IKBKB-DT: variants seen among roughly 807,000 people sequenced by gnomAD.
The protein encoded by IKBKB-DT is IKBKB divergent transcript.
intron 3 of IKBKB-DT, among the ~76,000 whole-genome samples, chr8:42,234,176 C>T (rs2129895510): frequency 6.6e-6 from 1 of 152,276 alleles, no homozygotes; most frequent in South Asian, 2.1e-4. Flanking sequence ...ACAAGGACAG[C>T]TTGGAGGTTA....
intron 3 of IKBKB-DT, among the ~76,000 whole-genome samples, chr8:42,243,983 G>A (rs1013869949): frequency 6.6e-6 from 1 of 152,090 alleles, no homozygotes; most frequent in Non-Finnish European, 1.5e-5. Context: ...GCCCCATTAG[G>A]GAATTCTAAT....
chr8:42,243,345 A>G (rs1306439774), intron 3 of IKBKB-DT, among the ~76,000 whole-genome samples: 1 of 152,222 alleles, frequency 6.6e-6, no homozygotes. Context: ...AGAGGAGGTA[A>G]TAGACTATTA....
At chr8:42,255,940 C>G (rs989982895) in intron 3 of IKBKB-DT, among the ~76,000 whole-genome samples, 1 of 150,550 alleles carries the variant, frequency 6.6e-6, no homozygotes, top group South Asian at 2.1e-4. Context: ...GCAGGAGAAT[C>G]GCTTGAACCC....
intron 3 of IKBKB-DT, among the ~76,000 whole-genome samples, chr8:42,252,156 G>T (rs1353801910): frequency 1.3e-5 from 2 of 152,350 alleles, no homozygotes; most frequent in African/African-American, 4.8e-5. Flanking sequence ...CACTGGCCAG[G>T]TAGAGACCCC....
At position 42,235,801 on chromosome 8, in the gene IKBKB-DT, T is replaced by C. The variant is rs576332434; in HGVS notation, n.1530-1942A>G. Among the ~76,000 whole-genome samples, 68 of 152,114 alleles carry C rather than the reference T, an allele frequency of 4.5e-4. 1 individual carries two copies. The South Asian group carries it at 0.014, about 31-fold the overall frequency. ...ACTGCAATGCCATGGTCTGAGTGAG[T>C]TGATTTTGTTTGTGCAGTGGGCAGT... On this transcript the variant is annotated intron_variant and non_coding_transcript_variant, in intron 3 of 3. Transcript: ENST00000518213.
chr8:42,247,868 G>A (rs1425385327), intron 3 of IKBKB-DT, among the ~76,000 whole-genome samples: 1 of 152,152 alleles, frequency 6.6e-6, no homozygotes, highest in African/African-American at 2.4e-5. Flanking sequence ...GCTAAGGCGG[G>A]TGGATCACAA....
chr8:42,251,135 C>T (rs769692147), intron 3 of IKBKB-DT, among the ~76,000 whole-genome samples: 8 of 152,126 alleles, frequency 5.3e-5, no homozygotes, highest in Admixed American at 2.0e-4. Context: ...AATAGATCAT[C>T]GGTGCCACGA....
At chr8:42,239,250 A>G (rs1345930889) in intron 3 of IKBKB-DT, among the ~76,000 whole-genome samples, 1 of 152,018 alleles carries the variant, frequency 6.6e-6, no homozygotes, top group East Asian at 1.9e-4. Flanking sequence ...AGCCACAGCT[A>G]CGGGGCCTCT....
intron 3 of IKBKB-DT, among the ~76,000 whole-genome samples, chr8:42,257,836 AGG>A (rs1807228103): frequency 6.6e-6 from 1 of 152,138 alleles, no homozygotes; most frequent in Non-Finnish European, 1.5e-5. Context: ...TTGATTAAAC[AGG>A]ATCACAGATC....
At chr8:42,238,202 TC>T (rs1479292464) in intron 3 of IKBKB-DT, among the ~76,000 whole-genome samples, 1 of 151,586 alleles carries the variant, frequency 6.6e-6, no homozygotes, top group Non-Finnish European at 1.5e-5. Flanking sequence ...CAGTAATGAG[TC>T]CCTACCCTTG....
intron 3 of IKBKB-DT, among the ~76,000 whole-genome samples, chr8:42,247,161 G>T (rs1585462213): frequency 6.6e-6 from 1 of 152,214 alleles, no homozygotes; most frequent in East Asian, 1.9e-4. Flanking sequence ...TGTGAAAGCA[G>T]CTGGCAGTCG....
chr8:42,253,404 A>G (rs564768521), intron 3 of IKBKB-DT, among the ~76,000 whole-genome samples: 1 of 152,328 alleles, frequency 6.6e-6, no homozygotes, highest in South Asian at 2.1e-4. Flanking sequence ...CTGACTCTTC[A>G]TCGATACTCT....
At chr8:42,250,120 G>T (rs1807113721) in intron 3 of IKBKB-DT, among the ~76,000 whole-genome samples, 1 of 152,088 alleles carries the variant, frequency 6.6e-6, no homozygotes, top group Non-Finnish European at 1.5e-5. Flanking sequence ...GTCTCCTAGG[G>T]CATTTGGGGG....
chr8:42,237,190 G>A (rs1042223973), intron 3 of IKBKB-DT, among the ~76,000 whole-genome samples: 4 of 151,900 alleles, frequency 2.6e-5, no homozygotes, highest in African/African-American at 7.3e-5. Flanking sequence ...GGGTTCAAGC[G>A]ATCCTCCTGC....
At chr8:42,249,314 C>G (rs1056253842) in intron 3 of IKBKB-DT, 1 of 151,648 alleles carries the variant, frequency 6.6e-6, no homozygotes, top group Non-Finnish European at 1.5e-5. Flanking sequence ...GGCTGCAGTC[C>G]GCTGTGTTTG....
intron 3 of IKBKB-DT, among the ~76,000 whole-genome samples, chr8:42,237,695 C>T (rs898423227): frequency 2.0e-5 from 3 of 152,032 alleles, no homozygotes; most frequent in Non-Finnish European, 4.4e-5. Context: ...GGGGGATCTG[C>T]TCCTCTCTTC....
chr8:42,243,837 C>T lies in IKBKB-DT; in HGVS notation n.1530-9978G>A, dbSNP rs79853886. Among the ~76,000 whole-genome samples the T allele has an allele frequency of 2.6e-4, 40 of 152,230 alleles. 1 individual carries two copies. Among genetic ancestry groups the T allele is most frequent in the Admixed American group, 4.6e-4 (7 of 15,288 alleles). On this transcript the variant is annotated intron_variant and non_coding_transcript_variant, in intron 3 of 3. Transcript: ENST00000518213. ...ATTTGGATAAGTTCATTTATTGGGT[C>T]GCACAATATTTGAGGTTTTGCAATT...
At chr8:42,261,666 T>G (rs577159496) in intron 3 of IKBKB-DT, among the ~76,000 whole-genome samples, 2 of 152,330 alleles carry the variant, frequency 1.3e-5, no homozygotes, top group East Asian at 1.9e-4. Flanking sequence ...AACTTGAGCC[T>G]CTCTTTTGTT....
chr8:42,269,897 T>C (rs1339557550), intron 1 of IKBKB-DT, among the ~76,000 whole-genome samples: 1 of 152,216 alleles, frequency 6.6e-6, no homozygotes, highest in Non-Finnish European at 1.5e-5. Flanking sequence ...ATGAAGCAGA[T>C]GAAACTGCTG....
Sources: allele counts gnomAD v4.1 joint callset (sites outside exome capture counted in the v4.1 genomes callset), GRCh38; gene constraint gnomAD v4.1.1; transcripts MANE v1.5; gene names NCBI Gene and HGNC (gene_info 2026-07-23, HGNC 2026-07-21).